Variants in ARHGEF28 observed in about 807,000 individuals in gnomAD.
The protein encoded by ARHGEF28 is Rho guanine nucleotide exchange factor 28.
In ARHGEF28, 152 loss-of-function variants were observed where a neutral mutation model predicts 206.6. The observed-to-expected ratio is 0.74, with a 90% confidence interval of 0.64 to 0.84. The LOEUF is 0.84. Among genes scored for constraint, ARHGEF28 ranks in the 40% least tolerant of loss-of-function variants. The pLI is 0.00. For missense variants in ARHGEF28, 2,028 were observed against 2,073.2 expected, an observed-to-expected ratio of 0.98 and a Z score of 0.42; for synonymous variants, 763 against 776.4, an observed-to-expected ratio of 0.98 and a Z score of 0.29.
At chr5:73,646,048 T>C (rs935125509) in intron 1 of ARHGEF28, among the ~76,000 whole-genome samples, 1 of 152,160 alleles carries the variant, frequency 6.6e-6, no homozygotes, top group Non-Finnish European at 1.5e-5. Flanking sequence ...TGTCTGAAAC[T>C]GCACCCCACT....
intron 1 of ARHGEF28, among the ~76,000 whole-genome samples, chr5:73,670,975 A>T (rs1580463159): frequency 6.6e-6 from 1 of 152,146 alleles, no homozygotes; most frequent in East Asian, 1.9e-4. Flanking sequence ...GGCATGGTTT[A>T]AAAGAAGCAT....
At chr5:73,864,443 G>A (rs1362645146) in intron 16 of ARHGEF28, among the ~76,000 whole-genome samples, 2 of 152,166 alleles carry the variant, frequency 1.3e-5, no homozygotes, top group African/African-American at 2.4e-5. Context: ...CAGTGTGGGA[G>A]TGGGGAGTTA....
chr5:73,657,865 G>A (rs1745315616), intron 1 of ARHGEF28, among the ~76,000 whole-genome samples: 1 of 152,068 alleles, frequency 6.6e-6, no homozygotes, highest in African/African-American at 2.4e-5. Context: ...TACCACACAT[G>A]GGCAAGATGT....
intron 14 of ARHGEF28, among the ~76,000 whole-genome samples, chr5:73,854,468 A>C (rs1000188200): frequency 1.3e-5 from 2 of 152,118 alleles, no homozygotes; most frequent in Non-Finnish European, 2.9e-5. Flanking sequence ...TCTTTCTTCA[A>C]ATCTGAGGAT....
rs1482499575 is a variant in ARHGEF28 at position 73,858,126 on chromosome 5, C to T, written c.1954C>T (p.Arg652Ter). ...KDAKDKEKLN[R>*]HQFAPGTFSG... Reference sequence around the variant, plus strand: ...TGCCAAAGATAAAGAGAAGCTGAATCGACATCAGTTTGCCCCAGGAACATT... The same window carrying T: ...TGCCAAAGATAAAGAGAAGCTGAATTGACATCAGTTTGCCCCAGGAACATT... Residue 652 changes from arginine to a stop codon, truncating the protein, a stop_gained, in exon 16 of 36, where the codon CGA becomes TGA. Transcript: ENST00000513042. LOFTEE classifies it high-confidence loss of function. 4 of 1,612,114 alleles carry T rather than the reference C, an allele frequency of 2.5e-6. No homozygotes were observed. Among genetic ancestry groups the T allele is most frequent in the Non-Finnish European group, 3.4e-6 (4 of 1,179,352 alleles).
At chr5:73,940,072 A>G (rs1270901607) in intron 35 of ARHGEF28, among the ~76,000 whole-genome samples, 1 of 152,178 alleles carries the variant, frequency 6.6e-6, no homozygotes, top group Non-Finnish European at 1.5e-5. Context: ...CATATGGCTG[A>G]GCCTGAGGGT....
intron 33 of ARHGEF28, among the ~76,000 whole-genome samples, chr5:73,905,856 A>C (rs1419327524): frequency 2.0e-5 from 3 of 152,124 alleles, no homozygotes; most frequent in African/African-American, 2.4e-5. Context: ...CAAATCAACC[A>C]CCATTCTCTC....
intron 1 of ARHGEF28, among the ~76,000 whole-genome samples, chr5:73,640,388 A>T (rs898463201): frequency 1.3e-5 from 2 of 152,208 alleles, no homozygotes; most frequent in African/African-American, 4.8e-5. Context: ...TTACATCAGA[A>T]TGCCATTTAG....
intron 2 of ARHGEF28, among the ~76,000 whole-genome samples, chr5:73,741,953 A>G (rs78702330): frequency 0.021 from 3,132 of 152,130 alleles, 51 homozygotes; most frequent in Non-Finnish European, 0.03. Flanking sequence ...TGTCTATTCT[A>G]TTGGATTTGT....
intron 35 of ARHGEF28, among the ~76,000 whole-genome samples, chr5:73,936,428 G>T (rs544896359): frequency 3.3e-4 from 51 of 152,270 alleles, no homozygotes; most frequent in Admixed American, 1.1e-3. Flanking sequence ...GCATTTCAAC[G>T]CTTCATACCT....
intron 35 of ARHGEF28, among the ~76,000 whole-genome samples, chr5:73,929,171 G>A (rs946565807): frequency 6.6e-6 from 1 of 151,984 alleles, no homozygotes; most frequent in Non-Finnish European, 1.5e-5. Context: ...TTGTATTATG[G>A]ACAATTTTAA....
At chr5:73,940,811 C>T (rs968346840) in intron 35 of ARHGEF28, 33 bp from the exon 36 acceptor site, 1 of 1,407,776 alleles carries the variant, frequency 7.1e-7, no homozygotes, top group East Asian at 2.7e-5. Flanking sequence ...TCTCAGGTGG[C>T]CTCCTGTAAC....
chr5:73,627,689 A>G (rs1743091990), intron 1 of ARHGEF28, among the ~76,000 whole-genome samples: 1 of 152,220 alleles, frequency 6.6e-6, no homozygotes, highest in Non-Finnish European at 1.5e-5. Context: ...ATTTCAATGT[A>G]ATGTTCTGAT....
intron 4 of ARHGEF28, among the ~76,000 whole-genome samples, chr5:73,761,739 T>G (rs1014601611): frequency 1.3e-5 from 2 of 152,180 alleles, no homozygotes; most frequent in African/African-American, 4.8e-5. Context: ...GTATGTGTAC[T>G]GTGAGTGGCG....
intron 4 of ARHGEF28, among the ~76,000 whole-genome samples, chr5:73,773,220 G>A (rs1390647487): frequency 6.6e-6 from 1 of 152,176 alleles, no homozygotes; most frequent in African/African-American, 2.4e-5. Flanking sequence ...CACACGGACC[G>A]ACCAAGGGCC....
chr5:73,919,818 C>T (rs1763420138), intron 35 of ARHGEF28, among the ~76,000 whole-genome samples: 1 of 152,250 alleles, frequency 6.6e-6, no homozygotes, highest in Non-Finnish European at 1.5e-5. Context: ...TGATAAAAGT[C>T]ATGGTTCAGC....
intron 35 of ARHGEF28, among the ~76,000 whole-genome samples, chr5:73,923,463 T>C (rs766176614): frequency 3.3e-5 from 5 of 152,018 alleles, no homozygotes; most frequent in Non-Finnish European, 5.9e-5. Flanking sequence ...GAAGTTATCG[T>C]TGGTCTTGGC....
chr5:73,770,752 A>G (rs1753179141), intron 4 of ARHGEF28, among the ~76,000 whole-genome samples: 1 of 152,194 alleles, frequency 6.6e-6, no homozygotes, highest in Non-Finnish European at 1.5e-5. Context: ...CATTTTGGTC[A>G]GTTTTTATTT....
chr5:73,653,817 C>T (rs1001166687), intron 1 of ARHGEF28, among the ~76,000 whole-genome samples: 1 of 152,160 alleles, frequency 6.6e-6, no homozygotes, highest in Non-Finnish European at 1.5e-5. Flanking sequence ...GCATTCCTGC[C>T]CTCTGTTCCC....
Sources: gnomAD v4.1 joint callset for allele counts (sites outside exome capture counted in the v4.1 genomes callset) on GRCh38, gnomAD v4.1.1 for gene constraint, MANE v1.5 for transcripts, NCBI Gene and HGNC (gene_info 2026-07-23, HGNC 2026-07-21) for gene names.